GRIK4: variants seen among roughly 807,000 people sequenced by gnomAD.
The protein encoded by GRIK4 is glutamate ionotropic receptor kainate type subunit 4, also known as glutamate receptor ionotropic, kainate 4.
A neutral mutation model predicts 104.9 loss-of-function variants in GRIK4; 40 were observed. That is an observed-to-expected ratio of 0.38 (90% CI 0.30 to 0.50). The LOEUF (loss-of-function observed/expected upper bound fraction) is 0.50, where lower values mean the gene tolerates loss of function less well. Among genes scored for constraint, GRIK4 ranks in the 20% least tolerant of loss-of-function variants. The pLI is 0.93. For missense variants in GRIK4, 1,047 were observed against 1,308.1 expected (o/e 0.80, Z 3.08); for synonymous variants, 485 against 524.9 (o/e 0.92, Z 1.04).
chr11:120,812,058 T>C (rs1377888720), intron 4 of GRIK4, among the ~76,000 whole-genome samples: 1 of 152,188 alleles, frequency 6.6e-6, no homozygotes, highest in East Asian at 1.9e-4. Flanking sequence ...TGAAGAATCC[T>C]GGAGACAGAG....
intron 3 of GRIK4, among the ~76,000 whole-genome samples, chr11:120,679,394 A>G (rs1414046440): frequency 6.6e-6 from 1 of 152,216 alleles, no homozygotes; most frequent in African/African-American, 2.4e-5. Flanking sequence ...AGCCCAGGAA[A>G]GAGTATGGAG....
intron 1 of GRIK4, among the ~76,000 whole-genome samples, chr11:120,597,703 T>G (rs1020407091): frequency 6.6e-6 from 1 of 150,904 alleles, no homozygotes; most frequent in African/African-American, 2.5e-5. Flanking sequence ...AGCCCCCCGC[T>G]TTGTCTGATT....
chr11:120,850,310 G>C (rs1953945381), intron 8 of GRIK4, among the ~76,000 whole-genome samples: 1 of 152,244 alleles, frequency 6.6e-6, no homozygotes. Context: ...GGGAGTGTGT[G>C]TGTGTGTTTG....
intron 19 of GRIK4, among the ~76,000 whole-genome samples, chr11:120,981,217 T>G (rs1165010017): frequency 6.6e-6 from 1 of 152,196 alleles, no homozygotes; most frequent in Non-Finnish European, 1.5e-5. Context: ...TTTAATTACA[T>G]AGCTGAACTC....
chr11:120,821,830 G>A (rs7130412), intron 6 of GRIK4, among the ~76,000 whole-genome samples: 4,043 of 152,252 alleles, frequency 0.027, 186 homozygotes, highest in African/African-American at 0.088. Context: ...CTCTATGTAC[G>A]GCATAAGAGA....
chr11:120,677,131 G>T (rs1418214796), intron 3 of GRIK4, among the ~76,000 whole-genome samples: 1 of 152,166 alleles, frequency 6.6e-6, no homozygotes, highest in Non-Finnish European at 1.5e-5. Flanking sequence ...CTGAGATTAT[G>T]CCACCAGGGA....
In GRIK4 at chr11:120,956,369, T is replaced by C. The variant is rs1017116629; in HGVS notation, c.1701-411T>C. On this transcript the variant is annotated intron_variant, in intron 15 of 20. Transcript: ENST00000527524. The surrounding 1 kb of genome is among the most constrained non-coding windows in gnomAD (Gnocchi z 4.6). ...GGCACACACCACCATACCTGGCTAA[T>C]TTTTTTGTATTTTTTAGTAGAGACG... Among the ~76,000 whole-genome samples, 28 of 152,018 alleles carry C rather than the reference T, an allele frequency of 1.8e-4. No individual in the cohort carries two copies. The highest frequency in any genetic ancestry group is 6.8e-4 in the African/African-American group (28 of 41,464).
intron 11 of GRIK4, among the ~76,000 whole-genome samples, chr11:120,878,621 C>A (rs977272391): frequency 6.7e-6 from 1 of 149,150 alleles, no homozygotes; most frequent in Non-Finnish European, 1.5e-5. Flanking sequence ...CCGCCCCCCC[C>A]CCTTTTTTCA....
chr11:120,837,471 C>T (rs1215458002), intron 8 of GRIK4, among the ~76,000 whole-genome samples: 1 of 152,180 alleles, frequency 6.6e-6, no homozygotes, highest in Non-Finnish European at 1.5e-5. Flanking sequence ...CCACCACCAT[C>T]CAAATACCTG....
intron 3 of GRIK4, among the ~76,000 whole-genome samples, chr11:120,787,847 C>CTTCTTTTTT (rs1565352273): frequency 9.0e-5 from 5 of 55,576 alleles, no homozygotes; most frequent in African/African-American, 3.4e-4. Flanking sequence ...TTTTTCTTTT[C>CTTCTTTTTT]TTTTCTTTTT....
At chr11:120,700,923 A>G (rs571727950) in intron 3 of GRIK4, among the ~76,000 whole-genome samples, 1 of 152,188 alleles carries the variant, frequency 6.6e-6, no homozygotes, top group Admixed American at 6.5e-5. Context: ...TACCTTTTCT[A>G]TATTTTGGTG....
chr11:120,949,475 T>C (rs1317959520), intron 14 of GRIK4, among the ~76,000 whole-genome samples: 1 of 152,224 alleles, frequency 6.6e-6, no homozygotes, highest in Non-Finnish European at 1.5e-5. Flanking sequence ...TCCAAAGTGA[T>C]TGTATTCACC....
intron 8 of GRIK4, among the ~76,000 whole-genome samples, chr11:120,860,240 G>A (rs554434385): frequency 6.6e-6 from 1 of 152,184 alleles, no homozygotes; most frequent in Non-Finnish European, 1.5e-5. Context: ...TGTGTGAAAA[G>A]GTGGCCTGAC....
chr11:120,867,349 G>C (rs1342441094), intron 9 of GRIK4, among the ~76,000 whole-genome samples: 1 of 152,136 alleles, frequency 6.6e-6, no homozygotes, highest in Non-Finnish European at 1.5e-5. Context: ...GAGGGAGTCA[G>C]TTCCAGGAAA....
chr11:120,558,017 CAAAAAA>C (rs59960959), intron 1 of GRIK4, among the ~76,000 whole-genome samples: 2 of 39,640 alleles, frequency 5.0e-5, no homozygotes, highest in Middle Eastern at 0.014. Flanking sequence ...GACTCCGTCT[CAAAAAA>C]AAAAAAAAAA....
intron 1 of GRIK4, among the ~76,000 whole-genome samples, chr11:120,532,438 G>A (rs996961317): frequency 1.3e-5 from 2 of 152,216 alleles, no homozygotes; most frequent in South Asian, 2.1e-4. Flanking sequence ...CTCAGAGGGG[G>A]AGAGGGTATT....
intron 13 of GRIK4, among the ~76,000 whole-genome samples, chr11:120,916,854 G>A (rs968311351): frequency 1.3e-5 from 2 of 152,172 alleles, no homozygotes; most frequent in Non-Finnish European, 2.9e-5. Context: ...TCGGAAATTC[G>A]AAACACTTCT....
At chr11:120,783,620 C>T (rs1952206201) in intron 3 of GRIK4, among the ~76,000 whole-genome samples, 1 of 152,182 alleles carries the variant, frequency 6.6e-6, no homozygotes, top group Non-Finnish European at 1.5e-5. Context: ...TAGCTCTTTC[C>T]TTCCATGGCA....
At chr11:120,808,936 A>G (rs938672898) in intron 4 of GRIK4, among the ~76,000 whole-genome samples, 2 of 152,150 alleles carry the variant, frequency 1.3e-5, no homozygotes, top group African/African-American at 4.8e-5. Flanking sequence ...ATCTGGGCCC[A>G]GAGAGCACTG....
Sources: gnomAD v4.1 joint callset for allele counts (sites outside exome capture counted in the v4.1 genomes callset) on GRCh38, gnomAD v4.1.1 for gene constraint, Gnocchi (gnomAD v3.1) non-coding constraint, MANE v1.5 for transcripts, NCBI Gene and HGNC (gene_info 2026-07-23, HGNC 2026-07-21) for gene names.